TTN: variants seen among roughly 807,000 people sequenced by gnomAD.
TTN encodes the protein titin.
Under a neutral mutation model 3,223.0 loss-of-function variants are expected in TTN, and 1,525 were observed. The ratio of observed to expected loss-of-function variants is 0.47; its 90% confidence interval spans 0.45 to 0.49. TTN has a LOEUF of 0.49. TTN is among the 20% of genes least tolerant of loss of function. The pLI, the probability that TTN is intolerant of heterozygous loss-of-function variation, is 0.00. For synonymous variants in TTN, 14,094 were observed against 15,161.0 expected (o/e 0.93, Z 5.17); for missense variants, 40,786 against 43,424.0 (o/e 0.94, Z 5.40).
At position 178,607,954 on chromosome 2, in the gene TTN, A is replaced by G. The variant is rs2154197266; in HGVS notation, c.52833T>C (p.Val17611=). Residue 17611 remains valine, a synonymous_variant, in exon 276 of 363, where the codon GTT becomes GTC. Coordinates refer to ENST00000589042, the MANE Select transcript of TTN (RefSeq NM_001267550.2). ...TGCAGCGTGACCATTCATTTGTGCC[A>G]ACCAACTGCTTATCAACAAAATAGC... is the stretch of plus-strand genomic sequence containing the variant. ...IVGYFVDKQL[V]GTNEWSRCTE... is the part of the protein sequence containing the mutation. 6.2e-7 allele frequency: 1 copy of G among 1,612,950 alleles called. No homozygotes were observed. Among genetic ancestry groups the G allele is most frequent in the Non-Finnish European group, 8.5e-7 (1 of 1,179,282 alleles).
At chr2:178,610,641 A>C (rs1458286800) in intron 270 of TTN, among the ~76,000 whole-genome samples, 3 of 151,882 alleles carry the variant, frequency 2.0e-5, no homozygotes, top group Admixed American at 6.6e-5. Flanking sequence ...GGCTGGGGGG[A>C]ATGCAGAAAA....
Position 178,773,220 on chromosome 2 carries a change from C to T in TTN, c.7744G>A (p.Ala2582Thr), listed in dbSNP as rs1060500576. Residue 2582 changes from alanine (A) to threonine (T), a missense_variant, in exon 33 of 363, where the codon GCA becomes ACA. Transcript: ENST00000589042. ...IKPSSKYKIEAHGKIYKLTVL... is the reference protein window; with the variant it reads ...IKPSSKYKIETHGKIYKLTVL... The stretch of plus-strand genomic sequence containing the variant: ...GTCAATTTATATATTTTTCCATGTG[C>T]TTCAATTTTATATTTAGAACTGGGC... 1.2e-6 allele frequency: 2 copies of T among 1,613,710 alleles called. No individual in the cohort carries two copies. Among genetic ancestry groups the T allele is most frequent in the Non-Finnish European group, 1.7e-6 (2 of 1,179,910 alleles).
rs72646817 is a variant in TTN at position 178,604,457 on chromosome 2, CT to C, written c.54382-153del. ...TGGGAAGACAGAGAAAAGGAGAAAGCTTTTTTTAAAATAAAAATATGTAGAT... is the reference window on the plus strand; with the variant it reads ...TGGGAAGACAGAGAAAAGGAGAAAGCTTTTTTAAAATAAAAATATGTAGAT... On this transcript the variant is annotated intron_variant, in intron 281 of 362. Coordinates refer to ENST00000589042, the MANE Select transcript of TTN (RefSeq NM_001267550.2). Among the ~76,000 whole-genome samples, 7,728 of 151,882 alleles carry C rather than the reference CT, an allele frequency of 0.051. 372 individuals are homozygous for C. The highest frequency in any genetic ancestry group is 0.13 in the East Asian group (668 of 5,112).
Position 178,548,758 on chromosome 2 carries a change from T to A in TTN, c.92868A>T (p.Thr30956=), listed in dbSNP as rs1000250632. 9 of 1,613,632 alleles carry A rather than the reference T, an allele frequency of 5.6e-6. No homozygotes were observed. Among genetic ancestry groups the A allele is most frequent in the Middle Eastern group, 1.6e-4 (1 of 6,062 alleles). The change falls in exon 339 of 363, where the codon ACA becomes ACT. Residue 30956 remains threonine (T), a synonymous_variant. Transcript: ENST00000589042. The surrounding 1 kb of genome is among the most constrained non-coding windows in gnomAD (Gnocchi z 4.3). ...FIAYQGRPTP[T]AVWSKPDSNL... is the part of the protein sequence containing the mutation. ...TAGAGTCTGGTTTGCTCCACACAGC[T>A]GTAGGAGTAGGTCTACCTTGGTAGG...
chr2:178,698,960 TAAG>T (rs2074254333), intron 111 of TTN, 46 bp from the exon 112 acceptor site: 4 of 1,466,394 alleles, frequency 2.7e-6, no homozygotes, highest in Non-Finnish European at 3.6e-6. Flanking sequence ...ATTTCTGGTG[TAAG>T]TAACTAAAAT....
At chr2:178,725,200 AACAGAAAAGAGT>A in intron 71 of TTN, 156 bp downstream of exon 71, 1 of 719,498 alleles carries the variant, frequency 1.4e-6, no homozygotes, top group Non-Finnish European at 2.0e-6. Flanking sequence ...GAATCACAGA[AACAGAAAAGAGT>A]GTTTGAAAGA....
rs1384396610 is a variant in TTN, at chr2:178,553,214, A to G, written c.89686T>C (p.Leu29896=). The part of the protein sequence containing the change: ...YSIENTDSSS[L]LTIPQVTRND... ...CGAGTAACTTGAGGAATGGTGAGTA[A>G]TGAGGATGAATCAGTGTTTTCAATG... The change falls in exon 335 of 363, where the codon TTA becomes CTA. Residue 29896 remains leucine (L), a synonymous_variant. Coordinates refer to ENST00000589042, the MANE Select transcript of TTN (RefSeq NM_001267550.2). 6.2e-7 allele frequency: 1 copy of G among 1,613,814 alleles called. No homozygotes were observed. The highest frequency in any genetic ancestry group is 8.5e-7 in the Non-Finnish European group (1 of 1,179,830).
chr2:178,706,252 T>C (rs1390035587), intron 102 of TTN, among the ~76,000 whole-genome samples: 2 of 152,222 alleles, frequency 1.3e-5, no homozygotes, highest in African/African-American at 4.8e-5. Context: ...ATGCACATCC[T>C]CCCATATGCT....
chr2:178,621,431 G>T (rs959438645), intron 245 of TTN, 44 bp downstream of exon 245: 5 of 1,601,970 alleles, frequency 3.1e-6, no homozygotes, highest in Non-Finnish European at 3.4e-6. Flanking sequence ...TCTAGCAAGT[G>T]TGAATTGTTA....
chr2:178,581,695 A>G lies in TTN; in HGVS notation c.66573T>C (p.Tyr22191=), dbSNP rs1364577532. ...AYDGGSPIIG[Y]LVEVKRADSD... The stretch of plus-strand genomic sequence containing the variant: ...AGTCAGCCCGTTTTACTTCAACGAG[A>G]TAACCAATGATAGGGCTGCCGCCGT... The change falls in exon 316 of 363, where the codon TAT becomes TAC. Residue 22191 remains tyrosine (Y), a synonymous_variant. Coordinates refer to ENST00000589042, the MANE Select transcript of TTN (RefSeq NM_001267550.2). 2 of 1,612,116 alleles carry G rather than the reference A, an allele frequency of 1.2e-6. No homozygotes were observed. Among genetic ancestry groups the G allele is most frequent in the Non-Finnish European group, 1.7e-6 (2 of 1,179,030 alleles).
In TTN at chr2:178,539,779, G is replaced by C. The variant is rs794729550; in HGVS notation, c.98286C>G (p.Ile32762Met). ...ATSETHTELV[I>M]KEADRGDSGT... is the part of the protein sequence containing the mutation. ...CAGAATCACCCCTGTCTGCTTCTTT[G>C]ATCACAAGCTCAGTGTGTGTTTCAG... The change falls in exon 352 of 363, where the codon ATC becomes ATG. Residue 32762 changes from isoleucine to methionine, a missense_variant. Coordinates refer to ENST00000589042, the MANE Select transcript of TTN (RefSeq NM_001267550.2). 5.0e-6 allele frequency: 8 copies of C among 1,613,792 alleles called. No homozygotes were observed. The highest frequency in any genetic ancestry group is 2.2e-5 in the East Asian group (1 of 44,862).
At chr2:178,660,659 A>C (rs2064532456) in intron 180 of TTN, among the ~76,000 whole-genome samples, 1 of 152,270 alleles carries the variant, frequency 6.6e-6, no homozygotes, top group Non-Finnish European at 1.5e-5. Flanking sequence ...AATGGTAACA[A>C]AAGCCAAAAT....
intron 218 of TTN, among the ~76,000 whole-genome samples, chr2:178,643,775 A>G (rs1200519324): frequency 1.3e-5 from 2 of 151,914 alleles, no homozygotes; most frequent in African/African-American, 4.8e-5. Flanking sequence ...GTATATTTAT[A>G]TGGGTGACTT....
chr2:178,746,800 T>G, intron 47 of TTN: 1 of 1,613,378 alleles, frequency 6.2e-7, no homozygotes, highest in Non-Finnish European at 8.5e-7. Flanking sequence ...CAATGAAGCC[T>G]AGTGTTGTGT....
Position 178,569,148 on chromosome 2 carries a change from T to C in TTN, c.76984A>G (p.Ile25662Val). 1 of 1,613,406 alleles carries C rather than the reference T, an allele frequency of 6.2e-7. No homozygotes were observed. Among genetic ancestry groups the C allele is most frequent in the Non-Finnish European group, 8.5e-7 (1 of 1,179,546 alleles). Reference sequence around the variant, plus strand: ...CTGCAACCTTCTTGGAGCTGATCGATTTTCCAAGAATTCTTATGGCAGTTA... The same window carrying C: ...CTGCAACCTTCTTGGAGCTGATCGACTTTCCAAGAATTCTTATGGCAGTTA... ...VTNCHKNSWK[I>V]DQLQEGCSYY... The change falls in exon 326 of 363, where the codon ATC becomes GTC. Residue 25662 changes from isoleucine to valine, a missense_variant. Ile to Val is a conservative substitution (Grantham distance 29). Coordinates refer to ENST00000589042, the MANE Select transcript of TTN (RefSeq NM_001267550.2).
chr2:178,739,257 T>C lies in TTN; in HGVS notation c.13976A>G (p.Tyr4659Cys), dbSNP rs34706803. 1,301 of 1,608,126 alleles carry C rather than the reference T, an allele frequency of 8.1e-4. 12 individuals are homozygous for C. Among genetic ancestry groups the C allele is most frequent in the Non-Finnish European group, 1.4e-4 (168 of 1,175,768 alleles). ...ATTTACTTTGTCGATGACTAGCGTA[T>C]ATGTATTTTGATCTTGTAAACACTT... Reference protein sequence around the residue: ...KFKCLQDQNTYTLVIDKVNTE... With the variant: ...KFKCLQDQNTCTLVIDKVNTE... Residue 4659 changes from tyrosine to cysteine, a missense_variant, in exon 48 of 363, where the codon TAT becomes TGT. Tyr to Cys is a radical substitution (Grantham distance 194, BLOSUM62 -2). Transcript: ENST00000589042.
At chr2:178,759,646 AT>A (rs550725918) in intron 43 of TTN, among the ~76,000 whole-genome samples, 33 of 152,358 alleles carry the variant, frequency 2.2e-4, no homozygotes, top group African/African-American at 7.5e-4. Context: ...AGATCAAGAT[AT>A]GAAAAGTCTA....
Position 178,582,545 on chromosome 2 carries a change from C to T in TTN, c.65911G>A (p.Asp21971Asn). 1 of 1,612,432 alleles carries T rather than the reference C, an allele frequency of 6.2e-7. No individual in the cohort carries two copies. Among genetic ancestry groups the T allele is most frequent in the Non-Finnish European group, 8.5e-7 (1 of 1,179,034 alleles). Residue 21971 changes from aspartate (D) to asparagine (N), a missense_variant, in exon 314 of 363, where the codon GAT (aspartate) becomes AAT (asparagine). Asp to Asn is a conservative substitution (Grantham distance 23, BLOSUM62 1). Coordinates refer to ENST00000589042, the MANE Select transcript of TTN (RefSeq NM_001267550.2). The part of the protein sequence containing the change: ...ASVKINKMYS[D>N]RAMLSWEPPL... ...GGTTCCCAAGAAAGCATAGCACGAT[C>T]TGAATACATTTTGTTGATTTTAACA...
At chr2:178,748,439 G>A (rs749763033) in intron 47 of TTN, 3 of 1,613,074 alleles carry the variant, frequency 1.9e-6, no homozygotes, top group Admixed American at 1.7e-5. Flanking sequence ...AGGTTGTAAC[G>A]TTTCAGGGCT....
Sources: gnomAD v4.1 joint callset for allele counts (sites outside exome capture counted in the v4.1 genomes callset) on GRCh38, gnomAD v4.1.1 for gene constraint, Gnocchi (gnomAD v3.1) non-coding constraint, MANE v1.5 for transcripts, NCBI Gene and HGNC (gene_info 2026-07-23, HGNC 2026-07-21) for gene names.